Variants in TRIM55 observed in about 807,000 individuals in gnomAD.
The protein encoded by TRIM55 is tripartite motif containing 55.
TRIM55 carries 50 observed loss-of-function variants against 60.9 expected under a neutral mutation model. The observed-to-expected ratio is 0.82, with a 90% CI of 0.65 to 1.04. TRIM55 has a LOEUF of 1.04. Among genes scored for constraint, TRIM55 ranks in the 50% least tolerant of loss-of-function variants. TRIM55 has a pLI of 0.00. For synonymous variants in TRIM55, 237 were observed against 238.1 expected (o/e 1.00, Z 0.04); for missense variants, 681 against 666.9 (o/e 1.02, Z -0.23).
intron 4 of TRIM55, among the ~76,000 whole-genome samples, chr8:66,140,558 A>G (rs1809748328): frequency 6.6e-6 from 1 of 152,252 alleles, no homozygotes; most frequent in Non-Finnish European, 1.5e-5. Flanking sequence ...GGACAGGGGC[A>G]CTTCCAGATG....
chr8:66,164,383 C>G (rs1811208526), intron 9 of TRIM55, among the ~76,000 whole-genome samples: 1 of 152,190 alleles, frequency 6.6e-6, no homozygotes, highest in Non-Finnish European at 1.5e-5. Flanking sequence ...GTTTTGATAT[C>G]ACTTGCTTTA....
At chr8:66,115,530 T>C in the TRIM55 span, among the ~76,000 whole-genome samples, 1 of 152,128 alleles carries the variant, frequency 6.6e-6, no homozygotes, top group African/African-American at 2.4e-5. Context: ...GTCAAAGGAA[T>C]AGGAAGTAAT....
rs546093618 is a variant in TRIM55 at position 66,152,670 on chromosome 8, T to C, written c.1236+43T>C. On this transcript the variant is annotated intron_variant, in intron 8 of 9. Transcript: ENST00000315962. ...TCTTTCTACAGGGCACATGGGCGTG[T>C]CTCCTTATGGAATAGCCTAAACAAT... 1.8e-5 allele frequency: 28 copies of C among 1,588,394 alleles called. No homozygotes were observed. In the South Asian group the frequency reaches 2.5e-4, roughly 14 times the overall value.
the TRIM55 span, among the ~76,000 whole-genome samples, chr8:66,114,082 A>AACCCC: frequency 8.0e-5 from 6 of 75,302 alleles, no homozygotes; most frequent in Non-Finnish European, 1.2e-4. Context: ...AAGGAGAGAC[A>AACCCC]CCCCCCCCCC....
chr8:66,134,481 G>A (rs372907711), intron 2 of TRIM55, among the ~76,000 whole-genome samples: 172 of 152,198 alleles, frequency 1.1e-3, no homozygotes, highest in African/African-American at 3.2e-3. Context: ...GGAGGGGGGC[G>A]ATCTAGCTAC....
At chr8:66,120,467 T>C in the TRIM55 span, among the ~76,000 whole-genome samples, 1 of 152,174 alleles carries the variant, frequency 6.6e-6, no homozygotes, top group East Asian at 1.9e-4. Flanking sequence ...ATGAGAATCT[T>C]GGGGCTTTAA....
the TRIM55 span, among the ~76,000 whole-genome samples, chr8:66,117,951 G>A: frequency 2.6e-5 from 4 of 151,870 alleles, no homozygotes; most frequent in Non-Finnish European, 5.9e-5. Context: ...TGGATCACGA[G>A]ATCAGGAGAT....
chr8:66,160,467 A>G (rs1170500989), intron 9 of TRIM55, among the ~76,000 whole-genome samples: 1 of 152,152 alleles, frequency 6.6e-6, no homozygotes, highest in Non-Finnish European at 1.5e-5. Flanking sequence ...TTGTGCTGCT[A>G]TAAACATGCA....
At chr8:66,142,084 GATA>G (rs1163377850) in intron 4 of TRIM55, among the ~76,000 whole-genome samples, 1 of 152,228 alleles carries the variant, frequency 6.6e-6, no homozygotes, top group Non-Finnish European at 1.5e-5. Context: ...CAGTGGGGAT[GATA>G]ATACCTTCTT....
rs765199074 is a variant in TRIM55 at position 66,127,634 on chromosome 8, C to T, written c.168+198C>T. On this transcript the variant is annotated intron_variant, in intron 1 of 9. Transcript: ENST00000315962. ...CTGAGGTCAGGCCTTCGAGACCAGGCTGGCCAACATGGCAAAACCCCATCT... is the reference window on the plus strand; with the variant it reads ...CTGAGGTCAGGCCTTCGAGACCAGGTTGGCCAACATGGCAAAACCCCATCT... Among the ~76,000 whole-genome samples, 64 of 152,050 alleles carry T rather than the reference C, an allele frequency of 4.2e-4. No homozygotes were observed. Among genetic ancestry groups the T allele is most frequent in the Non-Finnish European group, 6.9e-4 (47 of 67,974 alleles).
chr8:66,149,229 G>A (rs1400225533), intron 4 of TRIM55, among the ~76,000 whole-genome samples: 1 of 152,178 alleles, frequency 6.6e-6, no homozygotes, highest in Non-Finnish European at 1.5e-5. Flanking sequence ...AGGTGGAGCA[G>A]AGACTTTAAG....
At chr8:66,172,845 G>A (rs6990486) in intron 9 of TRIM55, among the ~76,000 whole-genome samples, 12,677 of 152,246 alleles carry the variant, frequency 0.083, 862 homozygotes, top group African/African-American at 0.18. Context: ...GGCGGAATTC[G>A]CTATTTGCTC....
chr8:66,152,295 AG>A (rs1185048340), intron 7 of TRIM55, 81 bp from the exon 8 acceptor site: 1 of 1,485,302 alleles, frequency 6.7e-7, no homozygotes, highest in African/African-American at 1.4e-5. Flanking sequence ...GACCTTAACT[AG>A]GGCTATAAGC....
intron 2 of TRIM55, among the ~76,000 whole-genome samples, chr8:66,134,381 G>GAATT (rs1809353224): frequency 2.0e-5 from 3 of 152,138 alleles, no homozygotes; most frequent in Non-Finnish European, 4.4e-5. Context: ...ACCAGTACTT[G>GAATT]AATTAATAAT....
At chr8:66,160,624 G>C (rs959168384) in intron 9 of TRIM55, among the ~76,000 whole-genome samples, 1 of 151,980 alleles carries the variant, frequency 6.6e-6, no homozygotes, top group Non-Finnish European at 1.5e-5. Context: ...GGTTGTACTA[G>C]TTTACATTCC....
chr8:66,159,732 T>G (rs1810944576), intron 9 of TRIM55, among the ~76,000 whole-genome samples: 1 of 152,218 alleles, frequency 6.6e-6, no homozygotes, highest in African/African-American at 2.4e-5. Flanking sequence ...TTTCAGCTAT[T>G]CTGGGTGGAT....
intron 2 of TRIM55, among the ~76,000 whole-genome samples, chr8:66,133,200 C>T (rs1158445518): frequency 6.6e-6 from 1 of 152,330 alleles, no homozygotes; most frequent in East Asian, 1.9e-4. Flanking sequence ...CTCTGCCACT[C>T]AGGAGTGCCA....
chr8:66,129,526 A>T (rs1431268653), intron 2 of TRIM55, among the ~76,000 whole-genome samples: 2 of 152,256 alleles, frequency 1.3e-5, no homozygotes, highest in Admixed American at 6.5e-5. Context: ...AAACTAAATT[A>T]GACAGTACCA....
the TRIM55 span, among the ~76,000 whole-genome samples, chr8:66,114,088 C>CG: frequency 3.0e-5 from 4 of 133,956 alleles, 1 homozygote; most frequent in East Asian, 2.7e-4. Context: ...AGACACCCCC[C>CG]CCCCCATTAT....
Sources: allele counts gnomAD v4.1 joint callset (sites outside exome capture counted in the v4.1 genomes callset), GRCh38; gene constraint gnomAD v4.1.1; transcripts MANE v1.5; gene names NCBI Gene and HGNC (gene_info 2026-07-23, HGNC 2026-07-21).